Variants in RXFP2 observed in about 807,000 individuals in gnomAD.
RXFP2 encodes the protein relaxin family peptide receptor 2.
Under a neutral mutation model 88.6 loss-of-function variants are expected in RXFP2, and 68 were observed. That is an observed-to-expected ratio of 0.77 (90% CI 0.63 to 0.94). The LOEUF is 0.94. Among genes scored for constraint, RXFP2 ranks in the 40% least tolerant of loss-of-function variants. The pLI is 0.00. For synonymous variants in RXFP2, 329 were observed against 306.8 expected (o/e 1.07, Z -0.76); for missense variants, 791 against 893.9 (o/e 0.88, Z 1.47).
At chr13:31,758,987 C>T (rs993600377) in intron 2 of RXFP2, among the ~76,000 whole-genome samples, 37 of 151,210 alleles carry the variant, frequency 2.4e-4, no homozygotes, top group Admixed American at 2.2e-3. Flanking sequence ...GGCAAGGTTG[C>T]GGTGAGCCCA....
At chr13:31,777,582 G>A (rs1873052585) in intron 8 of RXFP2, 135 bp downstream of exon 8, 1 of 672,430 alleles carries the variant, frequency 1.5e-6, no homozygotes, top group South Asian at 1.7e-5. Context: ...TGTGTTTCCA[G>A]CCACAGTTAC....
In RXFP2 at chr13:31,786,558, A is replaced by C; in HGVS notation, c.1002-8A>C. ...TTTTCCTCTCTCATCTAATGGTAAA[A>C]AAAAAAGGAACCTGTCATCCAATCC... On this transcript the variant is annotated splice_region_variant and splice_polypyrimidine_tract_variant and intron_variant, in intron 12 of 17. Coordinates refer to ENST00000298386, the MANE Select transcript of RXFP2 (RefSeq NM_130806.5). 6.2e-7 allele frequency: 1 copy of C among 1,601,928 alleles called. No individual in the cohort carries two copies. Among genetic ancestry groups the C allele is most frequent in the Non-Finnish European group, 8.5e-7 (1 of 1,170,934 alleles).
chr13:31,796,205 G>A (rs1369068676), intron 16 of RXFP2, among the ~76,000 whole-genome samples: 17 of 149,190 alleles, frequency 1.1e-4, no homozygotes, highest in African/African-American at 2.9e-4. Context: ...GCCCGCCACC[G>A]CGCCCGGCTA....
At chr13:31,781,784 T>A (rs748059564) in intron 10 of RXFP2, 42 bp downstream of exon 10, 20 of 1,484,338 alleles carry the variant, frequency 1.3e-5, no homozygotes, top group Admixed American at 1.7e-5. Flanking sequence ...GGAAACCCTA[T>A]ATATTTGGAA....
At chr13:31,776,046 T>C (rs1346449975) in intron 7 of RXFP2, among the ~76,000 whole-genome samples, 2 of 149,268 alleles carry the variant, frequency 1.3e-5, no homozygotes, top group Non-Finnish European at 3.0e-5. Context: ...TTTTTCTTTC[T>C]TTCCTTTCTT....
rs374073507 is a variant in RXFP2 at position 31,765,128 on chromosome 13, C to T, written c.411C>T (p.Asn137=). The part of the protein sequence containing the change: ...GDLKSVPMIS[N]NVTLLSLKKN... ...TAAAGTCTGTGCCGATGATTTCTAA[C>T]AATGTGACATTACTGTGAGTAAAAC... is the stretch of plus-strand genomic sequence containing the variant. Residue 137 remains asparagine (N), a synonymous_variant, in exon 4 of 18, where the codon AAC becomes AAT. Coordinates refer to ENST00000298386, the MANE Select transcript of RXFP2 (RefSeq NM_130806.5). The T allele has an allele frequency of 1.2e-5, 19 of 1,593,154 alleles. No individual in the cohort carries two copies. The highest frequency in any genetic ancestry group is 1.6e-5 in the Non-Finnish European group (19 of 1,161,398).
At chr13:31,747,718 C>A (rs1022439073) in intron 1 of RXFP2, among the ~76,000 whole-genome samples, 2 of 152,148 alleles carry the variant, frequency 1.3e-5, no homozygotes, top group African/African-American at 2.4e-5. Flanking sequence ...ATGGCAAAAA[C>A]CACAATTTAT....
intron 7 of RXFP2, among the ~76,000 whole-genome samples, chr13:31,776,102 T>TTATC (rs1555284075): frequency 9.1e-6 from 1 of 109,830 alleles, no homozygotes; most frequent in South Asian, 3.5e-4. Context: ...CTTTCTTTTC[T>TTATC]TTTCTTTCTT....
At chr13:31,765,385 T>C (rs1872506998) in intron 4 of RXFP2, among the ~76,000 whole-genome samples, 1 of 152,188 alleles carries the variant, frequency 6.6e-6, no homozygotes, top group African/African-American at 2.4e-5. Context: ...TTATTTTCAA[T>C]TGCTTTCTGA....
In RXFP2 at chr13:31,782,828, C is replaced by A. The variant is rs1873350826; in HGVS notation, c.929+81C>A. 1.4e-5 allele frequency: 12 copies of A among 864,966 alleles called. No homozygotes were observed. The South Asian group carries it at 1.7e-4, about 12-fold the overall frequency. 53.6% of individuals were successfully genotyped at this position (864,966 alleles called of 1,614,324 possible). A position where few individuals can be genotyped will look rare whatever the true frequency, so the allele number is the denominator to read the frequency against. On this transcript the variant is annotated intron_variant, in intron 11 of 17. Coordinates refer to ENST00000298386, the MANE Select transcript of RXFP2 (RefSeq NM_130806.5). ...TAAATGACTAGTGAGACTGCTTTGC[C>A]ACTAGTAGCAATCAAAATCCTGTAG...
At chr13:31,780,792 A>G (rs1873230135) in intron 9 of RXFP2, among the ~76,000 whole-genome samples, 1 of 152,176 alleles carries the variant, frequency 6.6e-6, no homozygotes, top group South Asian at 2.1e-4. Flanking sequence ...GCAAAATGAA[A>G]TCTCCCCAGC....
chr13:31,789,838 T>A (rs1194979444), intron 14 of RXFP2, among the ~76,000 whole-genome samples: 1 of 152,182 alleles, frequency 6.6e-6, no homozygotes, highest in Non-Finnish European at 1.5e-5. Flanking sequence ...GTGGATGAAA[T>A]GGTGGCTGTG....
At chr13:31,762,914 G>A (rs1368296760) in intron 3 of RXFP2, among the ~76,000 whole-genome samples, 2 of 151,990 alleles carry the variant, frequency 1.3e-5, no homozygotes, top group African/African-American at 4.8e-5. Context: ...CCTTATGTTT[G>A]TTTGATTTGT....
chr13:31,764,243 T>TCA (rs56132108), intron 3 of RXFP2, among the ~76,000 whole-genome samples: 16,033 of 131,552 alleles, frequency 0.12, 959 homozygotes, highest in East Asian at 0.24. Flanking sequence ...TCTCTCTCTT[T>TCA]CACACACACA....
chr13:31,754,388 G>T (rs1442272403), intron 1 of RXFP2, among the ~76,000 whole-genome samples: 1 of 152,106 alleles, frequency 6.6e-6, no homozygotes, highest in South Asian at 2.1e-4. Context: ...AAAAATAGCC[G>T]GGCGTGGTGG....
Position 31,792,642 on chromosome 13 carries a change from A to C in RXFP2, c.1376-36A>C, listed in dbSNP as rs370280931. Reference sequence around the variant, plus strand: ...CAGAAAACTAAAACAGGGACATTGGAAACTGATGACATACACTGTTTCAAT... The same window carrying C: ...CAGAAAACTAAAACAGGGACATTGGCAACTGATGACATACACTGTTTCAAT... On this transcript the variant is annotated intron_variant, in intron 15 of 17. Coordinates refer to ENST00000298386, the MANE Select transcript of RXFP2 (RefSeq NM_130806.5). The C allele has an allele frequency of 6.2e-6, 10 of 1,604,654 alleles. No homozygotes were observed. The African/African-American group carries it at 1.3e-4, about 21-fold the overall frequency.
Position 31,792,820 on chromosome 13 carries a change from C to T in RXFP2, c.1518C>T (p.Thr506=), listed in dbSNP as rs779316204. 1.3e-5 allele frequency: 21 copies of T among 1,613,978 alleles called. No individual in the cohort carries two copies. The highest frequency in any genetic ancestry group is 1.0e-4 in the Admixed American group (6 of 59,986). The part of the protein sequence containing the change: ...RLMGFLAMLS[T]EVSVLLLTYL... ...TGGGGTTCCTGGCCATGCTGTCCAC[C>T]GAAGTCTCTGTTCTGCTACTGACCT... Residue 506 remains threonine, a synonymous_variant, in exon 16 of 18, where the codon ACC becomes ACT. Transcript: ENST00000298386.
chr13:31,750,570 G>C (rs952128689), intron 1 of RXFP2, among the ~76,000 whole-genome samples: 2 of 152,198 alleles, frequency 1.3e-5, no homozygotes, highest in African/African-American at 4.8e-5. Flanking sequence ...GAGATAGTCA[G>C]TGTATTGACA....
intron 1 of RXFP2, among the ~76,000 whole-genome samples, chr13:31,752,474 T>C (rs1871714342): frequency 6.6e-6 from 1 of 152,050 alleles, no homozygotes; most frequent in Non-Finnish European, 1.5e-5. Flanking sequence ...AATATAACGA[T>C]TGATGTGGCC....
Sources: allele counts gnomAD v4.1 joint callset (sites outside exome capture counted in the v4.1 genomes callset), GRCh38; gene constraint gnomAD v4.1.1; transcripts MANE v1.5; gene names NCBI Gene and HGNC (gene_info 2026-07-23, HGNC 2026-07-21).